RBPJ: variants seen among roughly 807,000 people sequenced by gnomAD.
RBPJ encodes recombining binding protein suppressor of hairless.
Under a neutral mutation model 67.8 loss-of-function variants are expected in RBPJ, and 9 were observed. That is an observed-to-expected ratio of 0.13 (90% CI 0.08 to 0.23). RBPJ has a LOEUF of 0.23. RBPJ is among the 10% of genes least tolerant of loss of function. The pLI is 1.00. For synonymous variants in RBPJ, 198 were observed against 203.3 expected (o/e 0.97, Z 0.22); for missense variants, 305 against 595.6 (o/e 0.51, Z 5.08).
At chr4:26,228,459 T>C (rs6826555) in intron 1 of RBPJ, among the ~76,000 whole-genome samples, 2,728 of 152,318 alleles carry the variant, frequency 0.018, 95 homozygotes, top group African/African-American at 0.061. Flanking sequence ...GGTAGCCATG[T>C]TTTGTTCTGA....
intron 4 of RBPJ, among the ~76,000 whole-genome samples, chr4:26,418,608 T>C (rs1041276462): frequency 3.3e-5 from 5 of 152,178 alleles, no homozygotes; most frequent in African/African-American, 9.7e-5. Flanking sequence ...CAATATGTCT[T>C]ATTTATGCTG....
At chr4:26,362,276 G>T (rs534768340) in intron 1 of RBPJ, among the ~76,000 whole-genome samples, 2 of 152,144 alleles carry the variant, frequency 1.3e-5, no homozygotes, top group African/African-American at 4.8e-5. Context: ...ATAAAGCAAG[G>T]ACTGTCACTC....
At chr4:26,284,790 T>C (rs1232447770) in intron 1 of RBPJ, among the ~76,000 whole-genome samples, 2 of 151,938 alleles carry the variant, frequency 1.3e-5, no homozygotes, top group Admixed American at 6.6e-5. Context: ...AAGTCTTTTG[T>C]TTGAGATTAA....
intron 1 of RBPJ, among the ~76,000 whole-genome samples, chr4:26,214,455 AAAG>A (rs1276989305): frequency 1.4e-5 from 2 of 140,052 alleles, no homozygotes; most frequent in Admixed American, 1.4e-4. Flanking sequence ...AAAGAAAAAG[AAAG>A]AATGAAAGAG....
chr4:26,284,024 A>T (rs1380920176), intron 1 of RBPJ, among the ~76,000 whole-genome samples: 1 of 152,204 alleles, frequency 6.6e-6, no homozygotes, highest in Non-Finnish European at 1.5e-5. Flanking sequence ...GTAGGTCAAT[A>T]ACCCCCAAGT....
intron 1 of RBPJ, among the ~76,000 whole-genome samples, chr4:26,231,954 C>A (rs150071151): frequency 6.6e-6 from 1 of 151,342 alleles, no homozygotes. Context: ...TGCAGTGGTG[C>A]GATCTTGGCT....
intron 1 of RBPJ, among the ~76,000 whole-genome samples, chr4:26,327,268 G>A (rs923685604): frequency 2.6e-5 from 4 of 152,122 alleles, no homozygotes; most frequent in African/African-American, 9.7e-5. Context: ...GGCGTCACAG[G>A]CACTGTAAGT....
At chr4:26,422,935 C>T (rs1300256079) in intron 5 of RBPJ, among the ~76,000 whole-genome samples, 1 of 152,180 alleles carries the variant, frequency 6.6e-6, no homozygotes, top group Non-Finnish European at 1.5e-5. Flanking sequence ...AGATCTACCA[C>T]TTAGTACAGT....
At chr4:26,396,003 C>T (rs1458296763) in intron 2 of RBPJ, among the ~76,000 whole-genome samples, 1 of 152,172 alleles carries the variant, frequency 6.6e-6, no homozygotes, top group Non-Finnish European at 1.5e-5. Flanking sequence ...TGATTCATCT[C>T]CTCACTTTGA....
At chr4:26,428,938 A>T in intron 8 of RBPJ, 78 bp downstream of exon 8, 1 of 1,114,562 alleles carries the variant, frequency 9.0e-7, no homozygotes, top group South Asian at 1.4e-5. Flanking sequence ...TGAAATTTTC[A>T]TTTGCTGTTA....
the RBPJ span, among the ~76,000 whole-genome samples, chr4:26,107,726 T>C: frequency 6.6e-6 from 1 of 152,104 alleles, no homozygotes; most frequent in Non-Finnish European, 1.5e-5. Context: ...GGTGAAACCC[T>C]ATCTCTACTA....
At chr4:26,320,874 T>A, upstream of RBPJ, 5 of 1,577,654 alleles carry the variant, frequency 3.2e-6, 1 homozygote, top group South Asian at 5.8e-5. Flanking sequence ...GCGCGAGGCG[T>A]CTGGCTCTTC....
intron 2 of RBPJ, among the ~76,000 whole-genome samples, chr4:26,403,195 TTGAC>T (rs1733028932): frequency 6.6e-6 from 1 of 151,932 alleles, no homozygotes; most frequent in Admixed American, 6.6e-5. Context: ...TGAGAGAAAA[TTGAC>T]TGGTGATCTT....
chr4:26,432,045 T>C lies in RBPJ; in HGVS notation c.*1038T>C, dbSNP rs2109848320. 1 of 152,334 alleles carries C rather than the reference T, an allele frequency of 6.6e-6. No individual in the cohort carries two copies. Among genetic ancestry groups the C allele is most frequent in the South Asian group, 2.1e-4 (1 of 4,828 alleles). The allele number at this position is 152,334 out of a possible 1,614,324, so 9.4% of individuals were successfully genotyped here. On this transcript the variant is annotated 3_prime_UTR_variant, in exon 11 of 11. Coordinates refer to ENST00000355476, the MANE Select transcript of RBPJ (RefSeq NM_015874.6). Reference sequence around the variant, plus strand: ...CCCTCCTAATCTTGTACATAACTTGTATTATGTGTAAGTTAAACATTTTAT... The same window carrying C: ...CCCTCCTAATCTTGTACATAACTTGCATTATGTGTAAGTTAAACATTTTAT...
At chr4:26,425,536 G>T (rs1370558096) in intron 7 of RBPJ, among the ~76,000 whole-genome samples, 1 of 152,106 alleles carries the variant, frequency 6.6e-6, no homozygotes, top group East Asian at 1.9e-4. Context: ...TTGAGCTCGG[G>T]AGGTCAAGGC....
intron 1 of RBPJ, among the ~76,000 whole-genome samples, chr4:26,363,659 G>A (rs546071943): frequency 3.9e-5 from 6 of 152,104 alleles, no homozygotes; most frequent in Non-Finnish European, 8.8e-5. Context: ...GGCTGGTCTC[G>A]AACTCCTGAC....
rs1736297593 is a variant in RBPJ, at chr4:26,432,185, T to C, written c.*1178T>C. On this transcript the variant is annotated 3_prime_UTR_variant, in exon 11 of 11. Coordinates refer to ENST00000355476, the MANE Select transcript of RBPJ (RefSeq NM_015874.6). ...ACCAGTTGGTAGATGGTGCCCTTAATGGTAGAATGAGGAAAATGTCCGCAA... is the reference window on the plus strand; with the variant it reads ...ACCAGTTGGTAGATGGTGCCCTTAACGGTAGAATGAGGAAAATGTCCGCAA... 1 of 152,220 alleles carries C rather than the reference T, an allele frequency of 6.6e-6. No individual in the cohort carries two copies. The highest frequency in any genetic ancestry group is 2.4e-5 in the African/African-American group (1 of 41,446). The allele number at this position is 152,220 out of a possible 1,614,324, so 9.4% of individuals were successfully genotyped here. A position where few individuals can be genotyped will look rare whatever the true frequency, so the allele number is the denominator to read the frequency against.
intron 1 of RBPJ, among the ~76,000 whole-genome samples, chr4:26,217,919 A>G (rs1298673624): frequency 2.0e-5 from 3 of 152,218 alleles, no homozygotes; most frequent in Non-Finnish European, 2.9e-5. Context: ...AGACGTGTTC[A>G]GTAAACACTC....
At chr4:26,366,172 A>G (rs147277408) in intron 1 of RBPJ, among the ~76,000 whole-genome samples, 13 of 152,350 alleles carry the variant, frequency 8.5e-5, no homozygotes, top group African/African-American at 2.9e-4. Context: ...GTGATTATCA[A>G]CTGGAAAACT....
Sources: allele counts gnomAD v4.1 joint callset (sites outside exome capture counted in the v4.1 genomes callset), GRCh38; gene constraint gnomAD v4.1.1; transcripts MANE v1.5; gene names NCBI Gene and HGNC (gene_info 2026-07-23, HGNC 2026-07-21).